The following RBFOX1 variants were observed in gnomAD, a reference collection of about 807,000 sequenced individuals.
RBFOX1 encodes the protein RNA binding fox-1 homolog 1.
RBFOX1 carries 8 observed loss-of-function variants against 57.7 expected under a neutral mutation model. The observed-to-expected ratio is 0.14, with a 90% confidence interval of 0.08 to 0.25. The LOEUF (loss-of-function observed/expected upper bound fraction) is 0.25, where lower values mean the gene tolerates loss of function less well. Among genes scored for constraint, RBFOX1 ranks in the 10% least tolerant of loss-of-function variants. RBFOX1 has a pLI of 1.00. For missense variants in RBFOX1, 611 were observed against 548.5 expected, an observed-to-expected ratio of 1.11 and a Z score of -1.14; for synonymous variants, 326 against 222.4, an observed-to-expected ratio of 1.47 and a Z score of -4.15.
Position 7,200,066 on chromosome 16 carries a change from C to G in RBFOX1, c.27+147968C>G, listed in dbSNP as rs754607857. Among the ~76,000 whole-genome samples, 22 of 152,158 alleles carry G rather than the reference C, an allele frequency of 1.4e-4. 1 individual carries two copies. Among genetic ancestry groups the G allele is most frequent in the Non-Finnish European group, 2.4e-4 (16 of 68,038 alleles). ...AAATTCTAGAGTGAAATCTAAAAGT[C>G]AGATACTAGTCATAATACATAATAG... On this transcript the variant is annotated intron_variant, in intron 4 of 15. Transcript: ENST00000550418.
chr16:5,990,531 A>G (rs2060374784), intron 4 of RBFOX1, among the ~76,000 whole-genome samples: 1 of 152,188 alleles, frequency 6.6e-6, no homozygotes, highest in Non-Finnish European at 1.5e-5. Flanking sequence ...GATTTCTGCT[A>G]CAGCCTGACT....
intron 4 of RBFOX1, among the ~76,000 whole-genome samples, chr16:7,262,435 A>G (rs1350367236): frequency 1.3e-5 from 2 of 152,252 alleles, no homozygotes; most frequent in African/African-American, 4.8e-5. Flanking sequence ...CAATAAGTGA[A>G]AGGTAAATAA....
intron 4 of RBFOX1, among the ~76,000 whole-genome samples, chr16:5,995,252 G>A (rs542108506): frequency 3.9e-5 from 6 of 152,094 alleles, no homozygotes; most frequent in Non-Finnish European, 5.9e-5. Context: ...AAGCATTTGC[G>A]TTGCTTTCTT....
At chr16:5,472,929 C>G (rs1294917508) in intron 2 of RBFOX1, among the ~76,000 whole-genome samples, 1 of 152,162 alleles carries the variant, frequency 6.6e-6, no homozygotes, top group African/African-American at 2.4e-5. Flanking sequence ...AATTCCTGCT[C>G]AAAGTCCCAA....
At chr16:7,532,706 G>GT (rs2080427523) in intron 5 of RBFOX1, among the ~76,000 whole-genome samples, 1 of 152,184 alleles carries the variant, frequency 6.6e-6, no homozygotes. Flanking sequence ...TGCCTGCGAT[G>GT]TTTTTGTCAA....
chr16:7,224,065 C>T (rs2092928315), intron 4 of RBFOX1, among the ~76,000 whole-genome samples: 1 of 129,512 alleles, frequency 7.7e-6, no homozygotes, highest in Admixed American at 9.5e-5. Context: ...TCAGAGGTTG[C>T]TTAGGCTCGT....
At chr16:6,852,784 A>T (rs533247715) in intron 3 of RBFOX1, among the ~76,000 whole-genome samples, 5 of 151,874 alleles carry the variant, frequency 3.3e-5, no homozygotes, top group African/African-American at 1.2e-4. Context: ...GGAGAGGTAC[A>T]TGCTGGGAAC....
intron 3 of RBFOX1, among the ~76,000 whole-genome samples, chr16:6,675,996 G>A (rs2057577064): frequency 6.6e-6 from 1 of 152,092 alleles, no homozygotes. Context: ...CAAGGGCGAT[G>A]GGAGAGGAGA....
At chr16:5,545,561 A>T (rs1253452906) in intron 2 of RBFOX1, among the ~76,000 whole-genome samples, 1 of 152,172 alleles carries the variant, frequency 6.6e-6, no homozygotes, top group East Asian at 1.9e-4. Flanking sequence ...TTCAAATATA[A>T]TCAATAGAAT....
chr16:6,453,792 C>A (rs1935395), intron 2 of RBFOX1, among the ~76,000 whole-genome samples: 70,121 of 152,050 alleles, frequency 0.46, 16,525 homozygotes, highest in East Asian at 0.7. Context: ...CAGTGCCTCA[C>A]TGGGACTAGT....
intron 2 of RBFOX1, among the ~76,000 whole-genome samples, chr16:6,553,479 A>C (rs910032390): frequency 2.0e-5 from 3 of 152,154 alleles, no homozygotes; most frequent in Admixed American, 6.5e-5. Context: ...ACTTGGTGGA[A>C]ATTGATGCCA....
intron 2 of RBFOX1, among the ~76,000 whole-genome samples, chr16:6,439,485 C>A (rs1035970145): frequency 4.6e-5 from 7 of 152,180 alleles, no homozygotes; most frequent in Non-Finnish European, 1.0e-4. Context: ...GAATGTGGAA[C>A]ATCCCCTGCT....
chr16:5,525,759 A>T (rs1184872481), intron 2 of RBFOX1, among the ~76,000 whole-genome samples: 2 of 152,022 alleles, frequency 1.3e-5, no homozygotes, highest in African/African-American at 4.8e-5. Context: ...TGGCCTCCCA[A>T]AGTGCTGGGA....
chr16:6,552,455 T>C (rs1317262751), intron 2 of RBFOX1, among the ~76,000 whole-genome samples: 1 of 152,166 alleles, frequency 6.6e-6, no homozygotes, highest in Non-Finnish European at 1.5e-5. Flanking sequence ...ATTCATGTGT[T>C]TGTAGTGAAG....
chr16:6,274,481 A>C (rs548288492), intron 1 of RBFOX1, among the ~76,000 whole-genome samples: 1 of 152,330 alleles, frequency 6.6e-6, no homozygotes, highest in East Asian at 1.9e-4. Context: ...TTGAGATGAC[A>C]AAATAATGGA....
At chr16:5,693,065 G>A (rs1407110954) in intron 3 of RBFOX1, among the ~76,000 whole-genome samples, 2 of 152,162 alleles carry the variant, frequency 1.3e-5, no homozygotes, top group Non-Finnish European at 1.5e-5. Flanking sequence ...GTATCTTCCC[G>A]AGAAGGCAGT....
chr16:5,943,294 G>A (rs1331227352), intron 4 of RBFOX1, among the ~76,000 whole-genome samples: 2 of 152,150 alleles, frequency 1.3e-5, no homozygotes, highest in Admixed American at 6.5e-5. Flanking sequence ...ATGTAGTCCA[G>A]GAATCCACAG....
At chr16:6,164,524 T>TG (rs1567594971) in intron 1 of RBFOX1, among the ~76,000 whole-genome samples, 1 of 150,650 alleles carries the variant, frequency 6.6e-6, no homozygotes, top group African/African-American at 2.4e-5. Flanking sequence ...TGGAGTGCAG[T>TG]GGTGCTATCT....
chr16:6,918,642 G>A (rs904579597), intron 3 of RBFOX1, among the ~76,000 whole-genome samples: 26 of 152,094 alleles, frequency 1.7e-4, no homozygotes, highest in African/African-American at 6.3e-4. Flanking sequence ...GTGAAAATGT[G>A]GTTGCTTGTC....
Sources: allele counts gnomAD v4.1 joint callset (sites outside exome capture counted in the v4.1 genomes callset), GRCh38; gene constraint gnomAD v4.1.1; transcripts MANE v1.5; gene names NCBI Gene and HGNC (gene_info 2026-07-23, HGNC 2026-07-21).